ZKSCAN7: variants seen among roughly 807,000 people sequenced by gnomAD.
The protein encoded by ZKSCAN7 is zinc finger with KRAB and SCAN domains 7.
In ZKSCAN7, 38 loss-of-function variants were observed where a neutral mutation model predicts 65.3. The observed-to-expected ratio is 0.58, with a 90% CI of 0.45 to 0.76. ZKSCAN7 has a LOEUF of 0.76. Ranked by LOEUF, ZKSCAN7 falls within the 30% of genes least tolerant of loss-of-function variation. The pLI is 0.00. For missense variants in ZKSCAN7, 815 were observed against 913.3 expected (o/e 0.89, Z 1.39); for synonymous variants, 321 against 321.0 (o/e 1.00, Z 0.00).
In ZKSCAN7 at chr3:44,570,398, C is replaced by T; in HGVS notation, c.1288C>T (p.Leu430Phe). ...FRQTSQLIVH[L>F]RTHTGEKPYE... ...GCAAACCTCCCAGCTCATTGTTCAT[C>T]TCAGAACCCACACAGGGGAAAAACC... The change falls in exon 6 of 6, where the codon CTC becomes TTC. Residue 430 changes from leucine (L) to phenylalanine (F), a missense_variant. Coordinates refer to ENST00000426540, the MANE Select transcript of ZKSCAN7 (RefSeq NM_001288590.2). 1 of 1,613,912 alleles carries T rather than the reference C, an allele frequency of 6.2e-7. No homozygotes were observed. Among genetic ancestry groups the T allele is most frequent in the Non-Finnish European group, 8.5e-7 (1 of 1,179,922 alleles).
chr3:44,567,226 G>C (rs1245513469), intron 3 of ZKSCAN7, among the ~76,000 whole-genome samples: 1 of 151,922 alleles, frequency 6.6e-6, no homozygotes, highest in African/African-American at 2.4e-5. Context: ...GAAAAGAAAG[G>C]AAAGGAAAAG....
In ZKSCAN7 at chr3:44,570,616, G is replaced by A. The variant is rs1406712751; in HGVS notation, c.1506G>A (p.Glu502=). 3 of 1,613,702 alleles carry A rather than the reference G, an allele frequency of 1.9e-6. No individual in the cohort carries two copies. The highest frequency in any genetic ancestry group is 1.1e-5 in the South Asian group (1 of 91,050). Residue 502 remains glutamate, a synonymous_variant, in exon 6 of 6, where the codon GAG becomes GAA. Transcript: ENST00000426540. ...EKPYECNECG[E]AFIRSKSLAR... The stretch of plus-strand genomic sequence containing the variant: ...CTTATGAATGCAATGAGTGTGGAGA[G>A]GCATTCATTCGAAGCAAAAGTCTTG...
chr3:44,577,712 C>G (rs111509695), intron 5 of ZKSCAN7, among the ~76,000 whole-genome samples: 1 of 152,124 alleles, frequency 6.6e-6, no homozygotes, highest in Non-Finnish European at 1.5e-5. Flanking sequence ...TTTTAGAATA[C>G]CACGGAAAAA....
At chr3:44,566,302 G>A (rs1331643712) in intron 3 of ZKSCAN7, among the ~76,000 whole-genome samples, 1 of 152,132 alleles carries the variant, frequency 6.6e-6, no homozygotes, top group Non-Finnish European at 1.5e-5. Flanking sequence ...TTGAGATTGA[G>A]GCAGGAAGAT....
At chr3:44,578,043 A>G (rs1699960493) in intron 5 of ZKSCAN7, among the ~76,000 whole-genome samples, 1 of 152,172 alleles carries the variant, frequency 6.6e-6, no homozygotes, top group Admixed American at 6.5e-5. Context: ...GTCTTTCTTC[A>G]AGAAGTCAGG....
intron 2 of ZKSCAN7, among the ~76,000 whole-genome samples, chr3:44,558,782 A>AT (rs35709621): frequency 0.012 from 1,071 of 92,686 alleles, 26 homozygotes; most frequent in African/African-American, 0.034. Context: ...TTTCTTCTTC[A>AT]TTTTTTTTTT....
At chr3:44,558,176 T>G (rs904184921) in intron 2 of ZKSCAN7, among the ~76,000 whole-genome samples, 12 of 146,086 alleles carry the variant, frequency 8.2e-5, no homozygotes, top group Admixed American at 2.0e-4. Context: ...GAGAGAGGGG[T>G]GTGTGTGTGT....
At chr3:44,566,870 G>A (rs564089077) in intron 3 of ZKSCAN7, among the ~76,000 whole-genome samples, 111 of 151,974 alleles carry the variant, frequency 7.3e-4, no homozygotes, top group Non-Finnish European at 9.7e-4. Flanking sequence ...TGTAATCCCA[G>A]CACTTTGGGA....
chr3:44,565,726 C>T, intron 3 of ZKSCAN7, 71 bp downstream of exon 3: 1 of 1,396,978 alleles, frequency 7.2e-7, no homozygotes, highest in Non-Finnish European at 9.5e-7. Flanking sequence ...TTTCCTTTAT[C>T]TGCCCATCTC....
intron 2 of ZKSCAN7, among the ~76,000 whole-genome samples, chr3:44,563,090 G>A (rs1471984181): frequency 6.6e-6 from 1 of 152,044 alleles, no homozygotes; most frequent in Non-Finnish European, 1.5e-5. Context: ...CTTTGCTAAA[G>A]CATAGCAAGA....
intron 5 of ZKSCAN7, among the ~76,000 whole-genome samples, chr3:44,582,723 G>A (rs1035142702): frequency 2.0e-5 from 3 of 152,074 alleles, no homozygotes; most frequent in Non-Finnish European, 4.4e-5. Context: ...TGACCCTTAC[G>A]TTCTCTAAAA....
intron 5 of ZKSCAN7, among the ~76,000 whole-genome samples, chr3:44,569,554 T>C (rs1376532836): frequency 2.6e-5 from 4 of 152,230 alleles, no homozygotes; most frequent in African/African-American, 4.8e-5. Flanking sequence ...TGCAATGTTA[T>C]GGTTGGAAGG....
At chr3:44,560,422 C>T (rs77392103) in intron 2 of ZKSCAN7, among the ~76,000 whole-genome samples, 2,962 of 151,442 alleles carry the variant, frequency 0.02, 103 homozygotes, top group African/African-American at 0.067. Flanking sequence ...CATGTGTGCA[C>T]ATTGTGGCTG....
At chr3:44,580,459 C>A in intron 5 of ZKSCAN7, 1 of 1,604,114 alleles carries the variant, frequency 6.2e-7, no homozygotes, top group South Asian at 1.1e-5. Flanking sequence ...ACTTTCTCAG[C>A]ACTGGGGATG....
At chr3:44,572,849 C>CA (rs11339297), downstream of ZKSCAN7, among the ~76,000 whole-genome samples, 439 of 72,292 alleles carry the variant, frequency 6.1e-3, 12 homozygotes, top group African/African-American at 0.016. Flanking sequence ...GACTCTGTCT[C>CA]AAAAAAAAAA....
In ZKSCAN7 at chr3:44,556,931, CCACA is replaced by C; in HGVS notation, c.-115_-112del. On this transcript the variant is annotated splice_region_variant and 5_prime_UTR_variant, in exon 2 of 6. It removes the in-frame stop codon of an upstream open reading frame in the 5' UTR. Coordinates refer to ENST00000426540, the MANE Select transcript of ZKSCAN7 (RefSeq NM_001288590.2). ...CTGATTTCACTCTTGTTTCTGTAGG[CCACA>C]CTACCATCACCCCTTTCTCCAACCC... is the stretch of plus-strand genomic sequence containing the variant. 1 of 1,338,476 alleles carries C rather than the reference CCACA, an allele frequency of 7.5e-7. No homozygotes were observed. Among genetic ancestry groups the C allele is most frequent in the Non-Finnish European group, 1.1e-6 (1 of 950,200 alleles). 82.9% of individuals were successfully genotyped at this position (1,338,476 alleles called of 1,614,324 possible). A position where few individuals can be genotyped will look rare whatever the true frequency, so the allele number is the denominator to read the frequency against.
chr3:44,582,907 C>CGTGTGTGTGT (rs4016043), intron 5 of ZKSCAN7: 17 of 354,178 alleles, frequency 4.8e-5, no homozygotes, highest in East Asian at 2.3e-4. Context: ...CATGAATATT[C>CGTGTGTGTGT]GTGTGTGTGT....
chr3:44,558,391 G>A (rs958789576), intron 2 of ZKSCAN7, among the ~76,000 whole-genome samples: 1 of 152,000 alleles, frequency 6.6e-6, no homozygotes, highest in Non-Finnish European at 1.5e-5. Context: ...TAGGTAGGGT[G>A]GCATATACCT....
At chr3:44,572,407 A>AGT (rs1699833053), downstream of ZKSCAN7, among the ~76,000 whole-genome samples, 2 of 149,866 alleles carry the variant, frequency 1.3e-5, no homozygotes, top group African/African-American at 4.9e-5. Flanking sequence ...CAAAAGAGAG[A>AGT]GAGTGTGTGT....
Sources: allele counts gnomAD v4.1 joint callset (sites outside exome capture counted in the v4.1 genomes callset), GRCh38; gene constraint gnomAD v4.1.1; transcripts MANE v1.5; gene names NCBI Gene and HGNC (gene_info 2026-07-23, HGNC 2026-07-21).